ARHGEF10L: variants seen among roughly 807,000 people sequenced by gnomAD.
ARHGEF10L encodes the protein Rho guanine nucleotide exchange factor 10 like.
ARHGEF10L carries 69 observed loss-of-function variants against 141.2 expected under a neutral mutation model. That is an observed-to-expected ratio of 0.49 (90% CI 0.40 to 0.60). The LOEUF is 0.60. ARHGEF10L is among the 20% of genes least tolerant of loss of function. ARHGEF10L has a pLI of 0.00. For synonymous variants in ARHGEF10L, 711 were observed against 718.5 expected (o/e 0.99, Z 0.17); for missense variants, 1,482 against 1,734.3 (o/e 0.85, Z 2.58).
In ARHGEF10L at chr1:17,606,126, G is replaced by A. The variant is rs1054685308; in HGVS notation, c.434-1676G>A. Among the ~76,000 whole-genome samples the A allele has an allele frequency of 2.6e-5, 4 of 152,148 alleles. No homozygotes were observed. In the East Asian group the frequency reaches 7.7e-4, roughly 29 times the overall value. On this transcript the variant is annotated intron_variant, in intron 6 of 28. Coordinates refer to ENST00000361221, the MANE Select transcript of ARHGEF10L (RefSeq NM_018125.4). ...CATGAGTGACGGCCTACTGCTCTCAGCCGAGTGCGTGCTATGTGTCAGGCA... is the reference window on the plus strand; with the variant it reads ...CATGAGTGACGGCCTACTGCTCTCAACCGAGTGCGTGCTATGTGTCAGGCA...
At chr1:17,604,911 G>A (rs1248639064) in intron 6 of ARHGEF10L, 1 of 152,316 alleles carries the variant, frequency 6.6e-6, no homozygotes, top group African/African-American at 2.4e-5. Context: ...ACTGTCCTCA[G>A]GGTCTGGGAG....
chr1:17,622,594 T>G (rs901740334), intron 11 of ARHGEF10L, among the ~76,000 whole-genome samples: 1 of 152,066 alleles, frequency 6.6e-6, no homozygotes, highest in Non-Finnish European at 1.5e-5. Flanking sequence ...CAGGTAGAGA[T>G]GAATATATCA....
At chr1:17,527,870 CTTTT>C in the ARHGEF10L span, among the ~76,000 whole-genome samples, 1 of 20,982 alleles carries the variant, frequency 4.8e-5, no homozygotes, top group Non-Finnish European at 1.6e-4. Flanking sequence ...TCTTTCTTTT[CTTTT>C]TTTTTTTTTT....
intron 10 of ARHGEF10L, among the ~76,000 whole-genome samples, chr1:17,620,977 C>T (rs898892138): frequency 1.9e-4 from 29 of 152,242 alleles, no homozygotes; most frequent in Admixed American, 9.2e-4. Context: ...GAGGTGCAAG[C>T]CACACCATGC....
In ARHGEF10L at chr1:17,656,661, T is replaced by C. The variant is rs753575140; in HGVS notation, c.2813T>C (p.Leu938Pro). 4 of 1,613,512 alleles carry C rather than the reference T, an allele frequency of 2.5e-6. No homozygotes were observed. In the Admixed American group the frequency reaches 5.0e-5, roughly 20 times the overall value. Residue 938 changes from leucine to proline, a missense_variant, in exon 25 of 29, where the codon CTC (leucine) becomes CCC (proline). Transcript: ENST00000361221. The surrounding 1 kb of genome is among the most constrained non-coding windows in gnomAD (Gnocchi z 4.9). ...CTGCGACACAGCCCCTTCCACCTGC[T>C]CGCTGGCCTGCAGGATGGGACCCTT... ...LCLRHSPFHLLAGLQDGTLAA... is the reference protein window; with the variant it reads ...LCLRHSPFHLPAGLQDGTLAA...
At chr1:17,618,310 G>A (rs2059916932) in intron 9 of ARHGEF10L, 1 of 1,509,398 alleles carries the variant, frequency 6.6e-7, no homozygotes, top group Non-Finnish European at 8.9e-7. Context: ...TCCCTGCAGA[G>A]GCGATATTAA....
At chr1:17,686,965 C>G (rs1429205730) in intron 26 of ARHGEF10L, among the ~76,000 whole-genome samples, 2 of 151,924 alleles carry the variant, frequency 1.3e-5, no homozygotes, top group African/African-American at 4.8e-5. Flanking sequence ...TTTAATCCAC[C>G]TGGCACTTTC....
intron 25 of ARHGEF10L, among the ~76,000 whole-genome samples, chr1:17,659,551 C>T (rs34036216): frequency 0.12 from 17,984 of 152,172 alleles, 1,328 homozygotes; most frequent in Non-Finnish European, 0.16. Flanking sequence ...AGCAGCAGAG[C>T]CAGGGCTTGG....
chr1:17,689,010 G>A (rs116318975), intron 27 of ARHGEF10L, among the ~76,000 whole-genome samples: 3,855 of 152,144 alleles, frequency 0.025, 158 homozygotes, highest in African/African-American at 0.089. Flanking sequence ...GTGCTTATGT[G>A]CAGGATCTCA....
At chr1:17,618,647 CCATT>C in intron 9 of ARHGEF10L, 1 of 700,546 alleles carries the variant, frequency 1.4e-6, no homozygotes, top group Non-Finnish European at 2.1e-6. Context: ...GGAGTCAGAG[CCATT>C]CAGCAGCTGG....
At position 17,627,242 on chromosome 1, in the gene ARHGEF10L, T is replaced by C; in HGVS notation, c.1411-88T>C. The C allele has an allele frequency of 6.6e-7, 1 of 1,511,480 alleles. No homozygotes were observed. The highest frequency in any genetic ancestry group is 9.0e-7 in the Non-Finnish European group (1 of 1,106,470). The allele number at this position is 1,511,480 out of a possible 1,614,324, so 93.6% of individuals were successfully genotyped here. A position where few individuals can be genotyped will look rare whatever the true frequency, so the allele number is the denominator to read the frequency against. On this transcript the variant is annotated intron_variant, in intron 14 of 28. Coordinates refer to ENST00000361221, the MANE Select transcript of ARHGEF10L (RefSeq NM_018125.4). This position sits in a 1 kb window ranked among gnomAD's most constrained non-coding sequence, Gnocchi z 4.0. ...GGGCCCTTTGCAGACCCAGTGTGTGTAGGGGGTTGCGCAGGGTGAGGCTTT... is the reference window on the plus strand; with the variant it reads ...GGGCCCTTTGCAGACCCAGTGTGTGCAGGGGGTTGCGCAGGGTGAGGCTTT...
In ARHGEF10L at chr1:17,616,138, G is replaced by C. The variant is rs769806394; in HGVS notation, c.771G>C (p.Gly257=). Residue 257 remains glycine, a synonymous_variant, in exon 9 of 29, where the codon GGG becomes GGC. Transcript: ENST00000361221. ...CCGCCAAGAGCGGGACCAAGGATGG[G>C]CTGGAGAAGACACGGATGGCCGTGA... ...MKAAKSGTKD[G]LEKTRMAVMR... The C allele has an allele frequency of 9.3e-6, 15 of 1,613,708 alleles. No individual in the cohort carries two copies. The African/African-American group carries it at 2.0e-4, about 22-fold the overall frequency.
chr1:17,575,580 C>T (rs193209847), intron 1 of ARHGEF10L, among the ~76,000 whole-genome samples: 11 of 152,290 alleles, frequency 7.2e-5, no homozygotes, highest in African/African-American at 2.4e-4. Flanking sequence ...GGCCCGGAGC[C>T]GATGAGATCC....
chr1:17,548,779 G>T (rs1300945519), intron 1 of ARHGEF10L, among the ~76,000 whole-genome samples: 1 of 148,998 alleles, frequency 6.7e-6, no homozygotes, highest in Non-Finnish European at 1.5e-5. Flanking sequence ...CTCCTGAGTA[G>T]ATGGGATTAC....
rs949283323 is a variant in ARHGEF10L at position 17,645,373 on chromosome 1, A to C, written c.2273-3181A>C. Among the ~76,000 whole-genome samples, 11 of 152,202 alleles carry C rather than the reference A, an allele frequency of 7.2e-5. No individual in the cohort carries two copies. In the East Asian group the frequency reaches 2.1e-3, roughly 29 times the overall value. On this transcript the variant is annotated intron_variant, in intron 21 of 28. Transcript: ENST00000361221. ...GCACCATCTGGAAGGAGAAGGTCAGATCATTAAAAAAAATACGTATGAATA... is the reference window on the plus strand; with the variant it reads ...GCACCATCTGGAAGGAGAAGGTCAGCTCATTAAAAAAAATACGTATGAATA...
chr1:17,514,155 T>G, the ARHGEF10L span, among the ~76,000 whole-genome samples: 4 of 71,750 alleles, frequency 5.6e-5, no homozygotes, highest in Admixed American at 1.7e-4. Context: ...TTTTTTTTTT[T>G]TGACAGAGTC....
intron 11 of ARHGEF10L, among the ~76,000 whole-genome samples, chr1:17,622,601 A>G (rs1180562818): frequency 1.3e-5 from 2 of 152,124 alleles, no homozygotes; most frequent in Admixed American, 1.3e-4. Flanking sequence ...AGATGAATAT[A>G]TCACCTGTCT....
chr1:17,681,956 C>G (rs1397734253), intron 26 of ARHGEF10L, among the ~76,000 whole-genome samples: 1 of 151,812 alleles, frequency 6.6e-6, no homozygotes, highest in East Asian at 1.9e-4. Flanking sequence ...CACTCCACAC[C>G]CTGCCCTTAC....
At chr1:17,522,826 T>G in the ARHGEF10L span, among the ~76,000 whole-genome samples, 41 of 152,224 alleles carry the variant, frequency 2.7e-4, no homozygotes, top group African/African-American at 9.9e-4. Flanking sequence ...CCCTGATATC[T>G]TCTTCCAGGA....
Sources: gnomAD v4.1 joint callset for allele counts (sites outside exome capture counted in the v4.1 genomes callset) on GRCh38, gnomAD v4.1.1 for gene constraint, Gnocchi (gnomAD v3.1) non-coding constraint, MANE v1.5 for transcripts, NCBI Gene and HGNC (gene_info 2026-07-23, HGNC 2026-07-21) for gene names.